Variants in PPP1R13L observed in about 807,000 individuals in gnomAD.
PPP1R13L encodes the protein relA-associated inhibitor.
PPP1R13L carries 50 observed loss-of-function variants against 80.9 expected under a neutral mutation model. The observed-to-expected ratio is 0.62, with a 90% CI of 0.49 to 0.78. The LOEUF (loss-of-function observed/expected upper bound fraction) is 0.78, where lower values mean the gene tolerates loss of function less well. PPP1R13L is among the 30% of genes least tolerant of loss of function. The pLI, the probability that PPP1R13L is intolerant of heterozygous loss-of-function variation, is 0.00. For synonymous variants in PPP1R13L, 602 were observed against 534.3 expected (o/e 1.13, Z -1.75); for missense variants, 1,200 against 1,205.9 (o/e 1.00, Z 0.07).
chr19:45,397,908 C>T (rs1973145297), intron 3 of PPP1R13L, 97 bp downstream of exon 3: 9 of 1,470,272 alleles, frequency 6.1e-6, no homozygotes, highest in Non-Finnish European at 7.3e-6. Context: ...CCACAACCTG[C>T]ATAACTATAT....
chr19:45,396,045 A>T lies in PPP1R13L; in HGVS notation c.903+123T>A. 7.7e-7 allele frequency: 1 copy of T among 1,301,774 alleles called. No individual in the cohort carries two copies. The highest frequency in any genetic ancestry group is 1.1e-6 in the Non-Finnish European group (1 of 950,058). The allele number at this position is 1,301,774 out of a possible 1,614,324, so 80.6% of individuals were successfully genotyped here. On this transcript the variant is annotated intron_variant, in intron 6 of 12. Transcript: ENST00000360957. This position sits in a 1 kb window ranked among gnomAD's most constrained non-coding sequence, Gnocchi z 5.3. The stretch of plus-strand genomic sequence containing the variant: ...CAGAAACCCAGCACAGTGAAGGGAG[A>T]GCGTGGGAACGGGCGCCGAGACCCA...
At position 45,396,106 on chromosome 19, in the gene PPP1R13L, C is replaced by G; in HGVS notation, c.903+62G>C. On this transcript the variant is annotated intron_variant, in intron 6 of 12. Coordinates refer to ENST00000360957, the MANE Select transcript of PPP1R13L (RefSeq NM_006663.4). This position sits in a 1 kb window ranked among gnomAD's most constrained non-coding sequence, Gnocchi z 5.3. Reference sequence around the variant, plus strand: ...CCGAGGGGGAGACTGGCCTTGACCCCGCTCCCCCACCCCACTCCTCGACCT... The same window carrying G: ...CCGAGGGGGAGACTGGCCTTGACCCGGCTCCCCCACCCCACTCCTCGACCT... 6.6e-7 allele frequency: 1 copy of G among 1,520,922 alleles called. No homozygotes were observed. Among genetic ancestry groups the G allele is most frequent in the Non-Finnish European group, 8.9e-7 (1 of 1,127,990 alleles). The allele number at this position is 1,520,922 out of a possible 1,614,324, so 94.2% of individuals were successfully genotyped here.
rs917813153 is a variant in PPP1R13L at position 45,399,233 on chromosome 19, G to A, written c.-21-894C>T. Among the ~76,000 whole-genome samples, 11 of 149,830 alleles carry A rather than the reference G, an allele frequency of 7.3e-5. 1 individual carries two copies. Among genetic ancestry groups the A allele is most frequent in the Admixed American group, 6.7e-4 (10 of 14,974 alleles). On this transcript the variant is annotated intron_variant, in intron 1 of 12. Transcript: ENST00000360957. ...GCTGGGATTACAGGCGTGAGCCACC[G>A]CGCCCGGCCTTGTTTTTGTTTTTTA... is the stretch of plus-strand genomic sequence containing the variant.
rs1164782096 is a variant in PPP1R13L at position 45,385,548 on chromosome 19, G to A, written c.2248+14C>T. On this transcript the variant is annotated intron_variant, in intron 11 of 12. Transcript: ENST00000360957. ...CCCGCCAGGTACCCAGGCGCCAGCAGCCCTGCCTCGCACCTGCCAGGTAGG... is the reference window on the plus strand; with the variant it reads ...CCCGCCAGGTACCCAGGCGCCAGCAACCCTGCCTCGCACCTGCCAGGTAGG... 5 of 1,603,962 alleles carry A rather than the reference G, an allele frequency of 3.1e-6. No individual in the cohort carries two copies. The South Asian group carries it at 3.3e-5, about 11-fold the overall frequency.
chr19:45,380,692 G>A (rs1037809257), intron 12 of PPP1R13L, among the ~76,000 whole-genome samples: 1 of 152,014 alleles, frequency 6.6e-6, no homozygotes, highest in Non-Finnish European at 1.5e-5. Flanking sequence ...GGTGGTGCAT[G>A]CCCGTAATCC....
chr19:45,395,120 C>T (rs372188608), intron 7 of PPP1R13L: 2 of 303,772 alleles, frequency 6.6e-6, no homozygotes, highest in East Asian at 8.9e-5. Context: ...GCTGGGATTA[C>T]AGGCATGAGC....
At chr19:45,397,162 G>A (rs1317739541) in intron 3 of PPP1R13L, 104 bp from the exon 4 acceptor site, 1 of 951,748 alleles carries the variant, frequency 1.1e-6, no homozygotes, top group Non-Finnish European at 1.4e-6. Context: ...GGTCAACCCA[G>A]AGGAGGCTGA....
chr19:45,399,089 G>A (rs1973176427), intron 1 of PPP1R13L, among the ~76,000 whole-genome samples: 1 of 151,718 alleles, frequency 6.6e-6, no homozygotes, highest in South Asian at 2.1e-4. Context: ...GACTACAGGC[G>A]CCTGCCACCA....
Position 45,392,329 on chromosome 19 carries a change from G to A in PPP1R13L, c.1366C>T (p.Pro456Ser). 4 of 1,613,306 alleles carry A rather than the reference G, an allele frequency of 2.5e-6. No individual in the cohort carries two copies. Among genetic ancestry groups the A allele is most frequent in the Non-Finnish European group, 3.4e-6 (4 of 1,180,010 alleles). The change falls in exon 8 of 13, where the codon CCC becomes TCC. Residue 456 changes from proline to serine, a missense_variant. Pro to Ser is a moderately conservative substitution (Grantham distance 74). This residue lies in a region of PPP1R13L where 764 missense variants were observed against 714.5 expected (regional missense o/e 1.07). Transcript: ENST00000360957. ...WPPVNEGPPK[P>S]PTELEPEPEI... ...GGCTCAGGCTCCAGCTCGGTGGGGG[G>A]TTTGGGGGGTCCTAGCCGGAACAAG... is the stretch of plus-strand genomic sequence containing the variant.
intron 11 of PPP1R13L, among the ~76,000 whole-genome samples, chr19:45,383,122 G>A (rs1405148320): frequency 1.3e-5 from 2 of 149,642 alleles, no homozygotes; most frequent in South Asian, 2.1e-4. Context: ...AGCCTCCCGA[G>A]TAGCTGGGAC....
At chr19:45,395,125 A>C (rs911818898) in intron 7 of PPP1R13L, 2 of 318,102 alleles carry the variant, frequency 6.3e-6, no homozygotes, top group East Asian at 8.4e-5. Flanking sequence ...GATTACAGGC[A>C]TGAGCCACCG....
chr19:45,383,484 G>T (rs915726335), intron 11 of PPP1R13L, among the ~76,000 whole-genome samples: 39 of 149,634 alleles, frequency 2.6e-4, no homozygotes, highest in African/African-American at 9.6e-4. Flanking sequence ...TAGTAGAGAC[G>T]GGGTTTCACC....
chr19:45,405,813 G>C (rs1267948386), upstream of PPP1R13L, among the ~76,000 whole-genome samples: 2 of 152,172 alleles, frequency 1.3e-5, no homozygotes, highest in African/African-American at 4.8e-5. Flanking sequence ...ACCGTCTCGC[G>C]GCTCCAACCG....
At chr19:45,389,973 T>C (rs1046203812) in intron 8 of PPP1R13L, among the ~76,000 whole-genome samples, 1 of 151,890 alleles carries the variant, frequency 6.6e-6, no homozygotes, top group Non-Finnish European at 1.5e-5. Context: ...TTTGTATTTT[T>C]AGTAGAGACG....
intron 12 of PPP1R13L, 114 bp downstream of exon 12, chr19:45,382,413 C>T (rs1225878023): frequency 4.7e-6 from 6 of 1,270,252 alleles, no homozygotes; most frequent in Non-Finnish European, 6.6e-6. Flanking sequence ...TTTCAGACCT[C>T]CCTCTCCCAA....
chr19:45,399,934 G>A (rs1034553232), intron 1 of PPP1R13L, among the ~76,000 whole-genome samples: 16 of 151,610 alleles, frequency 1.1e-4, no homozygotes, highest in African/African-American at 3.9e-4. Context: ...GGGTGACAGA[G>A]CGAGGCTCTA....
At chr19:45,397,267 A>G (rs962802294) in intron 3 of PPP1R13L, among the ~76,000 whole-genome samples, 1 of 151,832 alleles carries the variant, frequency 6.6e-6, no homozygotes, top group African/African-American at 2.4e-5. Flanking sequence ...ACTCTATGTC[A>G]CCTTTATGCC....
chr19:45,380,812 T>A (rs2123341084), intron 12 of PPP1R13L, among the ~76,000 whole-genome samples: 1 of 148,480 alleles, frequency 6.7e-6, no homozygotes, highest in South Asian at 2.1e-4. Context: ...CAGCTGAAGC[T>A]GTGTCTCCAA....
chr19:45,404,877 A>G (rs908487874), intron 1 of PPP1R13L, 122 bp downstream of exon 1: 4 of 425,812 alleles, frequency 9.4e-6, no homozygotes, highest in Non-Finnish European at 1.3e-5. Flanking sequence ...CTAAGGATCC[A>G]GGTGTCGGCG....
Sources: gnomAD v4.1 joint callset for allele counts (sites outside exome capture counted in the v4.1 genomes callset) on GRCh38, gnomAD v4.1.1 for gene constraint, gnomAD v4.1.1 regional missense constraint, Gnocchi (gnomAD v3.1) non-coding constraint, MANE v1.5 for transcripts, NCBI Gene and HGNC (gene_info 2026-07-23, HGNC 2026-07-21) for gene names.